The following GRIA4 variants were observed in gnomAD, a reference collection of about 807,000 sequenced individuals.
GRIA4 encodes the protein glutamate ionotropic receptor AMPA type subunit 4.
GRIA4 carries 34 observed loss-of-function variants against 104.0 expected under a neutral mutation model. The ratio of observed to expected loss-of-function variants is 0.33; its 90% CI spans 0.25 to 0.44. The LOEUF is 0.44. Among genes scored for constraint, GRIA4 ranks in the 20% least tolerant of loss-of-function variants. The pLI, the probability that GRIA4 is intolerant of heterozygous loss-of-function variation, is 1.00. For missense variants in GRIA4, 750 were observed against 1,096.5 expected (o/e 0.68, Z 4.46); for synonymous variants, 386 against 381.9 (o/e 1.01, Z -0.13).
chr11:105,838,801 C>G (rs915854546), intron 4 of GRIA4, among the ~76,000 whole-genome samples: 4 of 152,140 alleles, frequency 2.6e-5, no homozygotes, highest in Non-Finnish European at 5.9e-5. Context: ...AGGATTGCTA[C>G]CTCGCAAGTC....
chr11:105,656,152 T>C (rs1951837858), intron 3 of GRIA4, among the ~76,000 whole-genome samples: 4 of 152,200 alleles, frequency 2.6e-5, no homozygotes. Flanking sequence ...TGTCTGTTTA[T>C]ATCCTTTGCC....
intron 3 of GRIA4, among the ~76,000 whole-genome samples, chr11:105,697,339 T>A (rs775380418): frequency 1.3e-5 from 2 of 152,156 alleles, no homozygotes; most frequent in Non-Finnish European, 2.9e-5. Context: ...CAAGTGTATA[T>A]GCCAAATTTG....
chr11:105,806,300 T>C (rs964943208), intron 4 of GRIA4, among the ~76,000 whole-genome samples: 3 of 151,800 alleles, frequency 2.0e-5, no homozygotes, highest in Admixed American at 6.6e-5. Context: ...AGGTATTTAA[T>C]TTAGCAGAAC....
In GRIA4 at chr11:105,862,154, G is replaced by C. The variant is rs1245891643; in HGVS notation, c.618G>C (p.Glu206Asp). The change falls in exon 5 of 17, where the codon GAG (glutamate) becomes GAC (aspartate). Residue 206 changes from glutamate to aspartate, a missense_variant. Physicochemically the swap from Glu to Asp is conservative, Grantham distance 45 (BLOSUM62 2). Coordinates refer to ENST00000282499, the MANE Select transcript of GRIA4 (RefSeq NM_000829.4). Reference protein sequence around the residue: ...QLLEELDRRQEKKFVIDCEIE... With the variant: ...QLLEELDRRQDKKFVIDCEIE... ...TAGAAGAACTTGACAGAAGACAAGA[G>C]AAGAAGTTTGTAATAGACTGTGAGA... The C allele has an allele frequency of 1.2e-6, 2 of 1,607,656 alleles. No homozygotes were observed. Among genetic ancestry groups the C allele is most frequent in the Non-Finnish European group, 1.7e-6 (2 of 1,174,218 alleles).
intron 3 of GRIA4, among the ~76,000 whole-genome samples, chr11:105,700,111 A>G (rs889178844): frequency 6.6e-6 from 1 of 152,202 alleles, no homozygotes; most frequent in East Asian, 1.9e-4. Flanking sequence ...TTATTATATG[A>G]CACTGGTAAT....
At chr11:105,832,470 A>G (rs1591320645) in intron 4 of GRIA4, among the ~76,000 whole-genome samples, 1 of 151,882 alleles carries the variant, frequency 6.6e-6, no homozygotes, top group East Asian at 1.9e-4. Context: ...TTTACAGAGC[A>G]TGTTCACTTA....
At chr11:105,947,623 A>G (rs1204865222) in intron 14 of GRIA4, among the ~76,000 whole-genome samples, 1 of 152,196 alleles carries the variant, frequency 6.6e-6, no homozygotes, top group African/African-American at 2.4e-5. Context: ...TGATTTATAT[A>G]CTTGCATTCA....
intron 4 of GRIA4, among the ~76,000 whole-genome samples, chr11:105,794,797 C>A (rs1278043235): frequency 6.6e-6 from 1 of 151,380 alleles, no homozygotes; most frequent in East Asian, 2.0e-4. Context: ...ATCTTAATTA[C>A]ATCTTTAGTT....
intron 3 of GRIA4, among the ~76,000 whole-genome samples, chr11:105,696,591 G>A (rs1204059886): frequency 6.6e-6 from 1 of 151,758 alleles, no homozygotes; most frequent in Non-Finnish European, 1.5e-5. Flanking sequence ...AATACAATAG[G>A]CACACTATAA....
At chr11:105,686,099 G>T (rs903797917) in intron 3 of GRIA4, among the ~76,000 whole-genome samples, 2 of 152,164 alleles carry the variant, frequency 1.3e-5, no homozygotes, top group East Asian at 3.9e-4. Flanking sequence ...GATTCAGGAG[G>T]TACATATACA....
intron 9 of GRIA4, among the ~76,000 whole-genome samples, chr11:105,905,638 C>T (rs780363064): frequency 1.9e-4 from 29 of 152,148 alleles, no homozygotes; most frequent in Non-Finnish European, 3.5e-4. Flanking sequence ...GACATAAGCA[C>T]CTCAAGGTAG....
At chr11:105,888,295 T>TTC in intron 6 of GRIA4, among the ~76,000 whole-genome samples, 1 of 131,762 alleles carries the variant, frequency 7.6e-6, no homozygotes, top group Non-Finnish European at 1.6e-5. Context: ...TTTTTTTTTT[T>TTC]TTTTTTGAGA....
At chr11:105,624,214 G>A (rs935670960) in intron 3 of GRIA4, among the ~76,000 whole-genome samples, 7 of 152,048 alleles carry the variant, frequency 4.6e-5, no homozygotes, top group South Asian at 2.1e-4. Context: ...GCTAATTGAC[G>A]TACATTGTGC....
At chr11:105,944,832 T>C (rs957028379) in intron 14 of GRIA4, among the ~76,000 whole-genome samples, 6 of 152,038 alleles carry the variant, frequency 3.9e-5, no homozygotes, top group Admixed American at 1.3e-4. Flanking sequence ...GAATCCTACT[T>C]AGAGACAAAT....
At chr11:105,615,600 G>C (rs1950580210) in intron 3 of GRIA4, among the ~76,000 whole-genome samples, 1 of 151,756 alleles carries the variant, frequency 6.6e-6, no homozygotes, top group Non-Finnish European at 1.5e-5. Context: ...AAAATATGAA[G>C]TATGACGGAA....
intron 4 of GRIA4, among the ~76,000 whole-genome samples, chr11:105,787,472 C>CTTTTTTTTT (rs67901321): frequency 1.0e-5 from 1 of 98,622 alleles, no homozygotes; most frequent in Non-Finnish European, 1.9e-5. Flanking sequence ...TAAAGAATTC[C>CTTTTTTTTT]TTTTTTTTTT....
At chr11:105,866,550 T>C (rs1945419190) in intron 5 of GRIA4, among the ~76,000 whole-genome samples, 1 of 28,356 alleles carries the variant, frequency 3.5e-5, no homozygotes, top group Admixed American at 2.9e-4. Flanking sequence ...TGTGTGTGTG[T>C]GTATATATAT....
chr11:105,618,004 A>C (rs1950644206), intron 3 of GRIA4, among the ~76,000 whole-genome samples: 1 of 151,992 alleles, frequency 6.6e-6, no homozygotes, highest in African/African-American at 2.4e-5. Flanking sequence ...GTTAAGATCT[A>C]GTCGAGTCAT....
intron 4 of GRIA4, chr11:105,797,811 G>A (rs756737824): frequency 4.4e-6 from 2 of 455,560 alleles, no homozygotes; most frequent in South Asian, 3.1e-5. Context: ...TCTACAACAA[G>A]AGCATAAACT....
Sources: allele counts gnomAD v4.1 joint callset (sites outside exome capture counted in the v4.1 genomes callset), GRCh38; gene constraint gnomAD v4.1.1; transcripts MANE v1.5; gene names NCBI Gene and HGNC (gene_info 2026-07-23, HGNC 2026-07-21).